SGCD: variants seen among roughly 807,000 people sequenced by gnomAD.
SGCD encodes sarcoglycan delta.
In SGCD, 18 loss-of-function variants were observed where a neutral mutation model predicts 36.6. That is an observed-to-expected ratio of 0.49 (90% CI 0.34 to 0.73). SGCD has a LOEUF of 0.73. SGCD is among the 30% of genes least tolerant of loss of function. The pLI, the probability that SGCD is intolerant of heterozygous loss-of-function variation, is 0.01. For missense variants in SGCD, 387 were observed against 346.7 expected (o/e 1.12, Z -0.92); for synonymous variants, 133 against 130.6 (o/e 1.02, Z -0.12).
chr5:156,755,981 T>C (rs1304062297), intron 7 of SGCD, among the ~76,000 whole-genome samples: 1 of 152,162 alleles, frequency 6.6e-6, no homozygotes, highest in Non-Finnish European at 1.5e-5. Context: ...ACTGGTCAGC[T>C]TGCTCTGTTT....
chr5:155,789,500 A>G, the SGCD span, among the ~76,000 whole-genome samples: 1 of 152,128 alleles, frequency 6.6e-6, no homozygotes, highest in Non-Finnish European at 1.5e-5. Context: ...TTAAGCTAAT[A>G]AAGAATTGCC....
chr5:155,963,018 A>T (rs1379907762), intron 1 of SGCD, among the ~76,000 whole-genome samples: 1 of 152,154 alleles, frequency 6.6e-6, no homozygotes. Flanking sequence ...CCGTTTGATT[A>T]TCCAGTTTAG....
intron 3 of SGCD, among the ~76,000 whole-genome samples, chr5:156,397,763 C>A (rs184293102): frequency 0.012 from 1,842 of 152,242 alleles, 46 homozygotes; most frequent in African/African-American, 0.042. Flanking sequence ...TAAGTCATTG[C>A]TAAACAAGTG....
At chr5:155,804,472 C>T in the SGCD span, among the ~76,000 whole-genome samples, 1 of 152,184 alleles carries the variant, frequency 6.6e-6, no homozygotes, top group Non-Finnish European at 1.5e-5. Context: ...GAATCTTCAC[C>T]TTTATATCTG....
chr5:156,597,333 A>G (rs1473659242), intron 6 of SGCD, among the ~76,000 whole-genome samples: 1 of 152,140 alleles, frequency 6.6e-6, no homozygotes, highest in African/African-American at 2.4e-5. Flanking sequence ...TGGGTAATTT[A>G]TAAAGAAAAA....
At chr5:156,322,673 A>G (rs923648144), upstream of SGCD, among the ~76,000 whole-genome samples, 3 of 152,206 alleles carry the variant, frequency 2.0e-5, no homozygotes, top group African/African-American at 7.2e-5. Context: ...AATTTCTAGG[A>G]AACAGTAATA....
intron 1 of SGCD, among the ~76,000 whole-genome samples, chr5:155,916,722 A>G (rs902407617): frequency 1.7e-4 from 26 of 152,244 alleles, no homozygotes; most frequent in Admixed American, 5.2e-4. Flanking sequence ...TCCAATTTAC[A>G]GTCATAGAAT....
At chr5:156,159,892 A>C (rs1049434899) in intron 3 of SGCD, among the ~76,000 whole-genome samples, 3 of 151,656 alleles carry the variant, frequency 2.0e-5, no homozygotes, top group Non-Finnish European at 4.4e-5. Context: ...TGTATTGTTA[A>C]ATATGTAGAT....
chr5:156,039,597 T>C (rs1759586592), intron 1 of SGCD, among the ~76,000 whole-genome samples: 1 of 152,192 alleles, frequency 6.6e-6, no homozygotes, highest in African/African-American at 2.4e-5. Flanking sequence ...ATTGAAACAT[T>C]TGTCTGAACA....
chr5:155,883,448 T>C (rs915650567), intron 1 of SGCD, among the ~76,000 whole-genome samples: 3 of 152,170 alleles, frequency 2.0e-5, no homozygotes, highest in African/African-American at 7.2e-5. Context: ...ACTTGAACAC[T>C]TAAAGCCCAT....
chr5:156,734,774 T>A (rs538436779), intron 7 of SGCD, among the ~76,000 whole-genome samples: 1 of 152,350 alleles, frequency 6.6e-6, no homozygotes, highest in East Asian at 1.9e-4. Context: ...TGTTTTATCA[T>A]GATTTTTAGC....
chr5:155,960,901 C>T (rs1007063801), intron 1 of SGCD, among the ~76,000 whole-genome samples: 2 of 152,190 alleles, frequency 1.3e-5, no homozygotes, highest in South Asian at 2.1e-4. Flanking sequence ...GCCAGGCTCC[C>T]CGTCACTACT....
At chr5:156,174,182 A>T (rs549932653) in intron 3 of SGCD, among the ~76,000 whole-genome samples, 34 of 152,338 alleles carry the variant, frequency 2.2e-4, no homozygotes, top group African/African-American at 8.2e-4. Flanking sequence ...TATGGAAGAC[A>T]ACCAAGGAAA....
intron 3 of SGCD, among the ~76,000 whole-genome samples, chr5:156,362,071 C>T (rs1769826138): frequency 6.6e-6 from 1 of 152,194 alleles, no homozygotes; most frequent in African/African-American, 2.4e-5. Context: ...AGTAGGCTGT[C>T]TATGTGTAGT....
chr5:156,107,160 C>T (rs992755637), intron 1 of SGCD, among the ~76,000 whole-genome samples: 4 of 152,100 alleles, frequency 2.6e-5, no homozygotes, highest in Non-Finnish European at 4.4e-5. Flanking sequence ...CTGTCTGCTA[C>T]CAATTCTTAA....
chr5:156,496,612 T>C (rs1756200720), intron 3 of SGCD, among the ~76,000 whole-genome samples: 1 of 152,162 alleles, frequency 6.6e-6, no homozygotes, highest in Non-Finnish European at 1.5e-5. Flanking sequence ...GCTGTAATAC[T>C]TGCCCCTCCC....
At chr5:155,733,903 G>A in the SGCD span, among the ~76,000 whole-genome samples, 1 of 151,980 alleles carries the variant, frequency 6.6e-6, no homozygotes, top group Non-Finnish European at 1.5e-5. Flanking sequence ...TGATTGAAGT[G>A]CTTAGCATGG....
chr5:155,851,074 T>A, the SGCD span, among the ~76,000 whole-genome samples: 2 of 152,210 alleles, frequency 1.3e-5, no homozygotes, highest in African/African-American at 4.8e-5. Context: ...GCTTTACTAA[T>A]TATGTTCCAA....
the SGCD span, among the ~76,000 whole-genome samples, chr5:155,864,303 C>G: frequency 6.6e-6 from 1 of 152,082 alleles, no homozygotes; most frequent in Non-Finnish European, 1.5e-5. Flanking sequence ...AGGATATTGG[C>G]TGTACTCAGA....
Sources: allele counts gnomAD v4.1 joint callset (sites outside exome capture counted in the v4.1 genomes callset), GRCh38; gene constraint gnomAD v4.1.1; transcripts MANE v1.5; gene names NCBI Gene and HGNC (gene_info 2026-07-23, HGNC 2026-07-21).